The following MACROD2 variants were observed in gnomAD, a reference collection of about 807,000 sequenced individuals.
MACROD2 encodes mono-ADP ribosylhydrolase 2.
MACROD2 carries 36 observed loss-of-function variants against 70.4 expected under a neutral mutation model. That is an observed-to-expected ratio of 0.51 (90% CI 0.39 to 0.68). The LOEUF is 0.68. MACROD2 is among the 30% of genes least tolerant of loss of function. The pLI, the probability that MACROD2 is intolerant of heterozygous loss-of-function variation, is 0.00. For synonymous variants in MACROD2, 172 were observed against 178.8 expected (o/e 0.96, Z 0.30); for missense variants, 496 against 538.4 (o/e 0.92, Z 0.78).
intron 5 of MACROD2, among the ~76,000 whole-genome samples, chr20:15,051,093 A>C (rs921605694): frequency 1.3e-4 from 20 of 151,516 alleles, no homozygotes; most frequent in Non-Finnish European, 1.8e-4. Flanking sequence ...CCTTTTTAAA[A>C]ACCTGCCAAG....
intron 4 of MACROD2, chr20:14,523,516 A>C (rs912560713): frequency 1.3e-5 from 2 of 151,844 alleles, no homozygotes; most frequent in Non-Finnish European, 2.9e-5. Context: ...GAGATTGGGG[A>C]CTCAACTATC....
chr20:14,532,714 G>C (rs981016550), intron 4 of MACROD2, among the ~76,000 whole-genome samples: 6 of 152,068 alleles, frequency 3.9e-5, no homozygotes, highest in African/African-American at 1.4e-4. Context: ...TCAAATATAC[G>C]CTACTGGCAG....
At chr20:14,405,565 T>C (rs2083683090) in intron 3 of MACROD2, among the ~76,000 whole-genome samples, 1 of 152,194 alleles carries the variant, frequency 6.6e-6, no homozygotes, top group Non-Finnish European at 1.5e-5. Flanking sequence ...ATTAGAAGAT[T>C]AGCTAAATAC....
chr20:15,469,713 A>G (rs1170801168), intron 7 of MACROD2, among the ~76,000 whole-genome samples: 1 of 152,214 alleles, frequency 6.6e-6, no homozygotes, highest in East Asian at 1.9e-4. Flanking sequence ...AACAGGATAC[A>G]TTCAAGATGG....
chr20:15,693,430 A>G (rs8119565), intron 8 of MACROD2, among the ~76,000 whole-genome samples: 6,564 of 152,156 alleles, frequency 0.043, 282 homozygotes, highest in East Asian at 0.21. Flanking sequence ...TTCACTTTCT[A>G]TAACTATTCT....
intron 4 of MACROD2, among the ~76,000 whole-genome samples, chr20:14,540,909 T>C (rs983245465): frequency 6.6e-6 from 1 of 152,218 alleles, no homozygotes; most frequent in Non-Finnish European, 1.5e-5. Flanking sequence ...TTCATATAGA[T>C]TCCATTTTTC....
At chr20:15,460,270 C>T (rs935946050) in intron 7 of MACROD2, among the ~76,000 whole-genome samples, 2 of 152,150 alleles carry the variant, frequency 1.3e-5, no homozygotes, top group African/African-American at 4.8e-5. Context: ...TCTATTATTT[C>T]CTGTTTACTT....
At chr20:14,380,125 T>C (rs373756210) in intron 3 of MACROD2, among the ~76,000 whole-genome samples, 4 of 152,104 alleles carry the variant, frequency 2.6e-5, no homozygotes, top group Non-Finnish European at 4.4e-5. Context: ...TTTTCTTCTG[T>C]TTTTGGTTTT....
At chr20:14,477,586 G>GA (rs1196876384) in intron 3 of MACROD2, among the ~76,000 whole-genome samples, 1 of 151,902 alleles carries the variant, frequency 6.6e-6, no homozygotes, top group Non-Finnish European at 1.5e-5. Flanking sequence ...TTTTTTTAAA[G>GA]AAAAAATTGT....
intron 5 of MACROD2, among the ~76,000 whole-genome samples, chr20:14,690,023 T>C (rs1448265413): frequency 6.6e-6 from 1 of 152,058 alleles, no homozygotes; most frequent in Non-Finnish European, 1.5e-5. Flanking sequence ...TTAACATATA[T>C]ATACTACAAA....
intron 8 of MACROD2, among the ~76,000 whole-genome samples, chr20:15,664,763 A>G (rs951520089): frequency 6.6e-5 from 10 of 152,172 alleles, no homozygotes; most frequent in Admixed American, 6.5e-4. Flanking sequence ...ACAAGTGCAG[A>G]CCCAGCCTCT....
chr20:14,959,192 C>T (rs1206668396), intron 5 of MACROD2, among the ~76,000 whole-genome samples: 4 of 152,090 alleles, frequency 2.6e-5, no homozygotes, highest in Non-Finnish European at 4.4e-5. Flanking sequence ...AGTGCAGTAG[C>T]GCAATCTCGG....
At chr20:14,660,188 G>A (rs906244129) in intron 4 of MACROD2, among the ~76,000 whole-genome samples, 2 of 152,160 alleles carry the variant, frequency 1.3e-5, no homozygotes, top group African/African-American at 4.8e-5. Flanking sequence ...ACATTTAGAT[G>A]TCATACTTTG....
intron 3 of MACROD2, among the ~76,000 whole-genome samples, chr20:14,191,267 A>G (rs1249388019): frequency 6.6e-6 from 1 of 152,020 alleles, no homozygotes; most frequent in Non-Finnish European, 1.5e-5. Context: ...AGCCCTTGAT[A>G]TTTTCCCTAA....
intron 6 of MACROD2, among the ~76,000 whole-genome samples, chr20:15,428,593 T>C (rs1401181670): frequency 2.0e-5 from 3 of 152,148 alleles, no homozygotes; most frequent in Non-Finnish European, 4.4e-5. Context: ...TTGTCTTTCT[T>C]ATCACTTCAC....
At chr20:15,319,385 G>A (rs1242762131) in intron 6 of MACROD2, among the ~76,000 whole-genome samples, 1 of 152,148 alleles carries the variant, frequency 6.6e-6, no homozygotes, top group Admixed American at 6.5e-5. Flanking sequence ...AATACCCAAT[G>A]CTATGTATAG....
intron 5 of MACROD2, among the ~76,000 whole-genome samples, chr20:15,044,851 T>A (rs2075381068): frequency 6.6e-6 from 1 of 152,144 alleles, no homozygotes; most frequent in Non-Finnish European, 1.5e-5. Context: ...CTCTTGGGAC[T>A]CTCACAGATA....
intron 8 of MACROD2, among the ~76,000 whole-genome samples, chr20:15,720,469 A>C (rs899295204): frequency 2.6e-5 from 4 of 152,222 alleles, no homozygotes; most frequent in Non-Finnish European, 4.4e-5. Flanking sequence ...TCTCTGCACT[A>C]ATCACAAATT....
chr20:14,005,898 C>T (rs2052812060), intron 2 of MACROD2, among the ~76,000 whole-genome samples: 1 of 152,004 alleles, frequency 6.6e-6, no homozygotes, highest in Admixed American at 6.6e-5. Flanking sequence ...ACTGCACCTG[C>T]CTCTTTTTCC....
Sources: gnomAD v4.1 joint callset for allele counts (sites outside exome capture counted in the v4.1 genomes callset) on GRCh38, gnomAD v4.1.1 for gene constraint, MANE v1.5 for transcripts, NCBI Gene and HGNC (gene_info 2026-07-23, HGNC 2026-07-21) for gene names.